PRELID2: variants seen among roughly 807,000 people sequenced by gnomAD.
PRELID2 encodes PRELI domain containing 2.
PRELID2 carries 25 observed loss-of-function variants against 28.4 expected under a neutral mutation model. That is an observed-to-expected ratio of 0.88 (90% CI 0.64 to 1.23). PRELID2 has a LOEUF of 1.23. Among genes scored for constraint, PRELID2 ranks in the 50% most tolerant of loss-of-function variants. The pLI, the probability that PRELID2 is intolerant of heterozygous loss-of-function variation, is 0.00. For synonymous variants in PRELID2, 76 were observed against 71.6 expected (o/e 1.06, Z -0.31); for missense variants, 201 against 214.4 (o/e 0.94, Z 0.39).
intron 1 of PRELID2, among the ~76,000 whole-genome samples, chr5:145,727,573 A>G (rs560799498): frequency 1.5e-3 from 223 of 152,288 alleles, no homozygotes; most frequent in African/African-American, 5.2e-3. Context: ...CTTCAGAGGC[A>G]GCTTCCTCTT....
chr5:145,308,566 T>G, the PRELID2 span, among the ~76,000 whole-genome samples: 1 of 152,198 alleles, frequency 6.6e-6, no homozygotes, highest in Non-Finnish European at 1.5e-5. Flanking sequence ...TATAGATCTA[T>G]CTATCTATCT....
intron 1 of PRELID2, among the ~76,000 whole-genome samples, chr5:145,740,368 A>T (rs1180340411): frequency 7.5e-6 from 1 of 132,494 alleles, no homozygotes; most frequent in East Asian, 2.2e-4. Flanking sequence ...AAATATGTGC[A>T]GCAAAAATTT....
chr5:145,355,877 C>T, the PRELID2 span, among the ~76,000 whole-genome samples: 1 of 152,026 alleles, frequency 6.6e-6, no homozygotes, highest in Non-Finnish European at 1.5e-5. Flanking sequence ...GTAGCACAAG[C>T]CTACATAGTA....
chr5:145,767,563 T>C (rs1368068747), intron 5 of PRELID2, among the ~76,000 whole-genome samples: 1 of 152,150 alleles, frequency 6.6e-6, no homozygotes, highest in African/African-American at 2.4e-5. Context: ...CCTGGGGTTC[T>C]GAGGGTCAAA....
chr5:145,230,009 A>C, the PRELID2 span: 2 of 727,864 alleles, frequency 2.7e-6, no homozygotes, highest in Non-Finnish European at 5.1e-6. Flanking sequence ...ACTCCCTCAG[A>C]CTGAAGGAAT....
At chr5:145,799,855 T>G (rs1021508607) in intron 4 of PRELID2, among the ~76,000 whole-genome samples, 1 of 152,208 alleles carries the variant, frequency 6.6e-6, no homozygotes, top group African/African-American at 2.4e-5. Context: ...TCTGCGCCAC[T>G]GACTAAAACG....
intron 4 of PRELID2, among the ~76,000 whole-genome samples, chr5:145,813,098 G>C (rs976695733): frequency 1.3e-5 from 2 of 152,160 alleles, no homozygotes; most frequent in African/African-American, 4.8e-5. Flanking sequence ...CAGGGACAGA[G>C]TGACATCTGG....
chr5:145,514,773 A>T (rs942533974), intron 1 of PRELID2, among the ~76,000 whole-genome samples: 1 of 152,090 alleles, frequency 6.6e-6, no homozygotes, highest in Non-Finnish European at 1.5e-5. Flanking sequence ...GCAAATGCAA[A>T]AAAAAAGAAA....
chr5:145,798,175 G>A (rs994047056), intron 4 of PRELID2, among the ~76,000 whole-genome samples: 1 of 151,778 alleles, frequency 6.6e-6, no homozygotes, highest in African/African-American at 2.4e-5. Context: ...TATTGAGTCA[G>A]GAACCAAAAA....
intron 6 of PRELID2, among the ~76,000 whole-genome samples, chr5:145,761,039 CAG>C (rs1387615959): frequency 6.6e-6 from 1 of 152,170 alleles, no homozygotes; most frequent in Non-Finnish European, 1.5e-5. Flanking sequence ...ACATACAGGT[CAG>C]AGAGTTCTGT....
At chr5:145,343,386 C>G in the PRELID2 span, among the ~76,000 whole-genome samples, 23 of 151,258 alleles carry the variant, frequency 1.5e-4, no homozygotes, top group Admixed American at 7.9e-4. Flanking sequence ...AGAAACTGTA[C>G]AAATATATGG....
At chr5:145,284,727 C>T in the PRELID2 span, among the ~76,000 whole-genome samples, 1 of 152,104 alleles carries the variant, frequency 6.6e-6, no homozygotes, top group Non-Finnish European at 1.5e-5. Context: ...TCAATCCTAA[C>T]CTGGCCCCCA....
the PRELID2 span, among the ~76,000 whole-genome samples, chr5:145,274,956 C>T: frequency 6.6e-6 from 1 of 152,074 alleles, no homozygotes; most frequent in Non-Finnish European, 1.5e-5. Context: ...CTCACTTTGG[C>T]TTTTGGATGG....
chr5:145,439,087 G>T, the PRELID2 span, among the ~76,000 whole-genome samples: 1 of 152,036 alleles, frequency 6.6e-6, no homozygotes, highest in African/African-American at 2.4e-5. Context: ...TCCTTTACTT[G>T]TGTCCCCACT....
chr5:145,512,660 T>G (rs1345497480), intron 1 of PRELID2, among the ~76,000 whole-genome samples: 2 of 152,194 alleles, frequency 1.3e-5, no homozygotes, highest in African/African-American at 4.8e-5. Context: ...CCTCCTCAAG[T>G]GGGTCCCTGA....
In PRELID2 at chr5:145,807,453, T is replaced by C. The variant is rs116618247; in HGVS notation, c.368+10441A>G. On this transcript the variant is annotated intron_variant, in intron 4 of 6. Transcript: ENST00000683046. ...CAACTTACATTTATTCGGTGCTTCATAAATGCGCAGAGCATGTCTATTTTT... is the reference window on the plus strand; with the variant it reads ...CAACTTACATTTATTCGGTGCTTCACAAATGCGCAGAGCATGTCTATTTTT... 6.9e-3 allele frequency among the ~76,000 whole-genome samples: 1,057 copies of C among 152,282 alleles called. 13 individuals are homozygous for C. Among genetic ancestry groups the C allele is most frequent in the African/African-American group, 0.024 (1,002 of 41,552 alleles).
At chr5:145,229,744 A>C in the PRELID2 span, 3 of 753,044 alleles carry the variant, frequency 4.0e-6, no homozygotes, top group African/African-American at 3.4e-5. Flanking sequence ...CACAAAACCA[A>C]TCAAGGCCTG....
chr5:145,821,772 C>T (rs947610437), intron 2 of PRELID2, among the ~76,000 whole-genome samples: 7 of 152,300 alleles, frequency 4.6e-5, no homozygotes, highest in South Asian at 2.1e-4. Flanking sequence ...ATGCCCCTGA[C>T]GATGACAGAA....
intron 1 of PRELID2, among the ~76,000 whole-genome samples, chr5:145,661,626 C>T (rs1195527408): frequency 6.8e-6 from 1 of 146,030 alleles, no homozygotes; most frequent in Non-Finnish European, 1.5e-5. Flanking sequence ...GGATTCACAC[C>T]GTGGACATGA....
Sources: allele counts gnomAD v4.1 joint callset (sites outside exome capture counted in the v4.1 genomes callset), GRCh38; gene constraint gnomAD v4.1.1; transcripts MANE v1.5; gene names NCBI Gene and HGNC (gene_info 2026-07-23, HGNC 2026-07-21).